NALF1: variants seen among roughly 807,000 people sequenced by gnomAD.
NALF1 encodes the protein NALCN channel auxiliary factor 1.
A neutral mutation model predicts 48.4 loss-of-function variants in NALF1; 3 were observed. That is an observed-to-expected ratio of 0.06 (90% CI 0.03 to 0.16). The LOEUF is 0.16. NALF1 is among the 10% of genes least tolerant of loss of function. The pLI, the probability that NALF1 is intolerant of heterozygous loss-of-function variation, is 1.00. For missense variants in NALF1, 526 were observed against 571.5 expected, an observed-to-expected ratio of 0.92 and a Z score of 0.81; for synonymous variants, 262 against 245.7, an observed-to-expected ratio of 1.07 and a Z score of -0.62.
At chr13:107,500,984 G>C (rs1393102970) in intron 1 of NALF1, among the ~76,000 whole-genome samples, 2 of 151,986 alleles carry the variant, frequency 1.3e-5, no homozygotes, top group African/African-American at 4.8e-5. Context: ...GATAGCTTTA[G>C]GAGATATACC....
At position 107,238,262 on chromosome 13, in the gene NALF1, C is replaced by A. The variant is rs763759711; in HGVS notation, c.916-27507G>T. Among the ~76,000 whole-genome samples, 62 of 152,146 alleles carry A rather than the reference C, an allele frequency of 4.1e-4. 1 individual carries two copies. Among genetic ancestry groups the A allele is most frequent in the Non-Finnish European group, 2.1e-4 (14 of 68,022 alleles). ...TGCTCACCCAGCATGGGGTCTTAGACAAATCATTTAAATTCTGAGCCCTCA... is the reference window on the plus strand; with the variant it reads ...TGCTCACCCAGCATGGGGTCTTAGAAAAATCATTTAAATTCTGAGCCCTCA... On this transcript the variant is annotated intron_variant, in intron 1 of 2. Coordinates refer to ENST00000375915, the MANE Select transcript of NALF1 (RefSeq NM_001080396.3).
chr13:107,525,796 T>A (rs1379014704), intron 1 of NALF1, among the ~76,000 whole-genome samples: 1 of 152,148 alleles, frequency 6.6e-6, no homozygotes, highest in Admixed American at 6.6e-5. Context: ...TGGTATTGTC[T>A]ATATTTAAGT....
At chr13:107,210,069 G>GACAC (rs34075188) in intron 2 of NALF1, among the ~76,000 whole-genome samples, 117,879 of 150,698 alleles carry the variant, frequency 0.78, 46,059 homozygotes, top group East Asian at 0.8. Flanking sequence ...GGCTCTAATA[G>GACAC]ACACACACAC....
chr13:107,293,300 G>A (rs1881665491), intron 1 of NALF1, among the ~76,000 whole-genome samples: 3 of 152,126 alleles, frequency 2.0e-5, no homozygotes. Flanking sequence ...TAGTTTTATG[G>A]AGCCACCATC....
intron 1 of NALF1, among the ~76,000 whole-genome samples, chr13:107,684,851 G>A (rs1295575022): frequency 6.6e-6 from 1 of 152,142 alleles, no homozygotes; most frequent in African/African-American, 2.4e-5. Context: ...TTGAATAACT[G>A]GCAATATTAA....
intron 1 of NALF1, among the ~76,000 whole-genome samples, chr13:107,469,024 T>C (rs899906807): frequency 6.6e-6 from 1 of 152,152 alleles, no homozygotes. Flanking sequence ...ATATGAACTT[T>C]AATATTTTCC....
At chr13:107,311,790 A>T (rs1474896002) in intron 1 of NALF1, among the ~76,000 whole-genome samples, 1 of 152,234 alleles carries the variant, frequency 6.6e-6, no homozygotes, top group Non-Finnish European at 1.5e-5. Context: ...TCAAAAGAAG[A>T]CATTTCTGCA....
intron 1 of NALF1, among the ~76,000 whole-genome samples, chr13:107,521,055 ATAAAG>A (rs1415749413): frequency 6.6e-6 from 1 of 152,210 alleles, no homozygotes; most frequent in Non-Finnish European, 1.5e-5. Context: ...ATAGGAATAT[ATAAAG>A]TAAGCTTTAT....
At chr13:107,184,060 C>T (rs1371689750) in intron 2 of NALF1, among the ~76,000 whole-genome samples, 1 of 151,398 alleles carries the variant, frequency 6.6e-6, no homozygotes, top group Non-Finnish European at 1.5e-5. Context: ...TCACGGCAAC[C>T]TCTGCCTCTC....
chr13:107,259,875 T>C (rs1286648668), intron 1 of NALF1, among the ~76,000 whole-genome samples: 2 of 151,620 alleles, frequency 1.3e-5, no homozygotes, highest in Non-Finnish European at 2.9e-5. Flanking sequence ...CCAAATCACA[T>C]ATTTAACAAT....
At chr13:107,370,713 ATAAC>A (rs1883235174) in intron 1 of NALF1, among the ~76,000 whole-genome samples, 1 of 152,218 alleles carries the variant, frequency 6.6e-6, no homozygotes, top group Non-Finnish European at 1.5e-5. Context: ...GAACAAAAAC[ATAAC>A]TGAGACTGGA....
chr13:107,686,475 A>C (rs1362765478), intron 1 of NALF1, among the ~76,000 whole-genome samples: 2 of 151,886 alleles, frequency 1.3e-5, no homozygotes, highest in Non-Finnish European at 2.9e-5. Context: ...GCTCACTGCA[A>C]CCTCCACCTC....
At chr13:107,456,606 A>G (rs1445833300) in intron 1 of NALF1, among the ~76,000 whole-genome samples, 1 of 152,068 alleles carries the variant, frequency 6.6e-6, no homozygotes, top group Admixed American at 6.5e-5. Context: ...CAGCAGTTTT[A>G]TTTTCATGGA....
intron 1 of NALF1, among the ~76,000 whole-genome samples, chr13:107,567,279 A>G (rs1275664325): frequency 6.6e-6 from 1 of 152,236 alleles, no homozygotes; most frequent in African/African-American, 2.4e-5. Flanking sequence ...AATGTATTAG[A>G]CATATTTTAA....
chr13:107,367,710 A>G (rs915362502), intron 1 of NALF1, among the ~76,000 whole-genome samples: 66 of 152,258 alleles, frequency 4.3e-4, no homozygotes, highest in African/African-American at 1.5e-3. Flanking sequence ...AAATAATACA[A>G]CATTTCATTT....
At chr13:107,239,659 C>A (rs1195764437) in intron 1 of NALF1, among the ~76,000 whole-genome samples, 1 of 152,132 alleles carries the variant, frequency 6.6e-6, no homozygotes, top group Non-Finnish European at 1.5e-5. Flanking sequence ...AGTATTAAAA[C>A]ATGGTTTAAA....
intron 1 of NALF1, among the ~76,000 whole-genome samples, chr13:107,302,816 C>T (rs772032815): frequency 1.4e-4 from 22 of 152,158 alleles, no homozygotes; most frequent in African/African-American, 1.2e-4. Context: ...TATGATTTCT[C>T]GCCACATATG....
intron 1 of NALF1, among the ~76,000 whole-genome samples, chr13:107,270,211 T>C (rs1440248827): frequency 1.3e-5 from 2 of 152,172 alleles, no homozygotes; most frequent in Non-Finnish European, 2.9e-5. Context: ...TGAAAATTTA[T>C]TTTCTATGTC....
At chr13:107,325,882 A>ATG (rs1882350235) in intron 1 of NALF1, among the ~76,000 whole-genome samples, 1 of 110,370 alleles carries the variant, frequency 9.1e-6, no homozygotes, top group African/African-American at 3.1e-5. Flanking sequence ...ATATATATAT[A>ATG]TATATACACA....
Sources: gnomAD v4.1 joint callset for allele counts (sites outside exome capture counted in the v4.1 genomes callset) on GRCh38, gnomAD v4.1.1 for gene constraint, MANE v1.5 for transcripts, NCBI Gene and HGNC (gene_info 2026-07-23, HGNC 2026-07-21) for gene names.